Variants in ARID1B observed in about 807,000 individuals in gnomAD.
ARID1B encodes AT-rich interactive domain-containing protein 1B.
Under a neutral mutation model 212.3 loss-of-function variants are expected in ARID1B, and 30 were observed. The ratio of observed to expected loss-of-function variants is 0.14; its 90% CI spans 0.11 to 0.19. The LOEUF is 0.19. ARID1B is among the 10% of genes least tolerant of loss of function. ARID1B has a pLI of 1.00. For synonymous variants in ARID1B, 1,402 were observed against 1,301.7 expected (o/e 1.08, Z -1.66); for missense variants, 2,891 against 3,204.0 (o/e 0.90, Z 2.36).
intron 2 of ARID1B, among the ~76,000 whole-genome samples, chr6:156,861,023 G>A (rs1785294325): frequency 6.6e-6 from 1 of 152,154 alleles, no homozygotes; most frequent in Non-Finnish European, 1.5e-5. Flanking sequence ...GCAGAGCCAC[G>A]TAGTAGGTCT....
Position 157,209,064 on chromosome 6 carries a change from A to T in ARID1B, c.*1173A>T, listed in dbSNP as rs1794654057. The T allele has an allele frequency of 4.3e-6, 1 of 230,672 alleles. No individual in the cohort carries two copies. The highest frequency in any genetic ancestry group is 5.7e-5 in the Admixed American group (1 of 17,698). The allele number at this position is 230,672 out of a possible 1,614,324, so 14.3% of individuals were successfully genotyped here. ...TGAAAAAAATACAACTAAAAGGAAG[A>T]AACACAACTTCAAAGATTTTTCAGT... On this transcript the variant is annotated 3_prime_UTR_variant, in exon 20 of 20. Transcript: ENST00000636930.
At position 157,210,111 on chromosome 6, in the gene ARID1B, GCAAA is replaced by G. The variant is rs1284897910; in HGVS notation, c.*2223_*2226del. The G allele has an allele frequency of 1.3e-5, 3 of 232,416 alleles. No homozygotes were observed. The highest frequency in any genetic ancestry group is 1.7e-5 in the Non-Finnish European group (2 of 117,654). 14.4% of individuals were successfully genotyped at this position (232,416 alleles called of 1,614,324 possible). On this transcript the variant is annotated 3_prime_UTR_variant, in exon 20 of 20. Coordinates refer to ENST00000636930, the MANE Select transcript of ARID1B (RefSeq NM_001374828.1). ...CACGAGGAAAAAAATCATCTTTTCTGCAAACAGTCTCTCATCTGTCAACTCCCAC... is the reference window on the plus strand; with the variant it reads ...CACGAGGAAAAAAATCATCTTTTCTGCAGTCTCTCATCTGTCAACTCCCAC...
In ARID1B at chr6:156,783,622, A is replaced by G. The variant is rs185500411; in HGVS notation, c.1791+4151A>G. On this transcript the variant is annotated intron_variant, in intron 1 of 19. Transcript: ENST00000636930. ...CCAATATCACAGGCAAACCGAAAAG[A>G]TGATCATTTCATTTATTTAACCCTA... is the stretch of plus-strand genomic sequence containing the variant. Among the ~76,000 whole-genome samples the G allele has an allele frequency of 5.3e-5, 8 of 152,338 alleles. No individual in the cohort carries two copies. In the East Asian group the frequency reaches 1.3e-3, roughly 26 times the overall value.
intron 5 of ARID1B, among the ~76,000 whole-genome samples, chr6:157,087,571 A>T (rs1785033815): frequency 6.6e-6 from 1 of 152,184 alleles, no homozygotes; most frequent in Admixed American, 6.5e-5. Flanking sequence ...ACCATTATGG[A>T]TATTATTCAA....
chr6:157,198,574 C>T (rs1793895341), intron 16 of ARID1B: 2 of 518,732 alleles, frequency 3.9e-6, no homozygotes, highest in East Asian at 3.0e-5. Flanking sequence ...TCCTCTGACA[C>T]CTATTAGCCA....
chr6:157,096,530 G>T (rs1224441289), intron 5 of ARID1B, among the ~76,000 whole-genome samples: 4 of 152,242 alleles, frequency 2.6e-5, no homozygotes, highest in African/African-American at 9.6e-5. Context: ...TCTGAAAGAA[G>T]TAATGGAGAG....
chr6:156,957,041 T>C (rs1203150972), intron 4 of ARID1B, among the ~76,000 whole-genome samples: 2 of 152,234 alleles, frequency 1.3e-5, no homozygotes, highest in African/African-American at 4.8e-5. Flanking sequence ...TTGTAATGTA[T>C]TCTGAGCTGG....
At chr6:156,925,516 A>AT (rs929567138) in intron 3 of ARID1B, among the ~76,000 whole-genome samples, 40 of 152,304 alleles carry the variant, frequency 2.6e-4, no homozygotes, top group African/African-American at 8.4e-4. Flanking sequence ...TCTAAAAAAA[A>AT]GAAAATTATA....
chr6:156,982,461 A>G (rs1777665717), intron 4 of ARID1B, among the ~76,000 whole-genome samples: 1 of 144,800 alleles, frequency 6.9e-6, no homozygotes, highest in Admixed American at 7.0e-5. Context: ...TGTGCTGGGC[A>G]CTAAGTATGT....
intron 8 of ARID1B, 45 bp from the exon 9 acceptor site, chr6:157,166,995 A>T (rs371183482): frequency 1.3e-6 from 2 of 1,596,936 alleles, no homozygotes; most frequent in Non-Finnish European, 1.7e-6. Flanking sequence ...ACCACTGCTA[A>T]TGTGCATGGT....
intron 15 of ARID1B, 192 bp from the exon 16 acceptor site, chr6:157,195,973 A>G (rs1210690055): frequency 5.4e-6 from 3 of 551,482 alleles, no homozygotes; most frequent in East Asian, 7.6e-5. Context: ...ACGCAGGAGA[A>G]TCGCCTGAAC....
intron 8 of ARID1B, among the ~76,000 whole-genome samples, chr6:157,152,627 A>T (rs528346730): frequency 1.3e-5 from 2 of 152,314 alleles, no homozygotes; most frequent in East Asian, 3.9e-4. Context: ...TTTTAAAAGC[A>T]GAAGCTTGAA....
intron 4 of ARID1B, among the ~76,000 whole-genome samples, chr6:157,021,728 C>T (rs1470306383): frequency 6.6e-6 from 1 of 151,996 alleles, no homozygotes; most frequent in Non-Finnish European, 1.5e-5. Flanking sequence ...CCGTCCGCCC[C>T]GCGCGCCCGC....
At chr6:157,146,689 G>A (rs915875294) in intron 7 of ARID1B, among the ~76,000 whole-genome samples, 11 of 152,104 alleles carry the variant, frequency 7.2e-5, no homozygotes, top group Admixed American at 4.6e-4. Flanking sequence ...TGAGCTTCTC[G>A]AGTGCAAGAA....
rs2128398696 is a variant in ARID1B at position 157,207,607 on chromosome 6, A to C, written c.6835A>C (p.Ile2279Leu). 6.2e-7 allele frequency: 1 copy of C among 1,614,216 alleles called. No homozygotes were observed. Among genetic ancestry groups the C allele is most frequent in the African/African-American group, 1.3e-5 (1 of 75,048 alleles). ...ARAIAVQKGS[I>L]GNLISFLEDG... ...GGCCATAGCTGTGCAGAAAGGAAGC[A>C]TTGGAAACTTGATAAGCTTCCTAGA... is the stretch of plus-strand genomic sequence containing the variant. Residue 2279 changes from isoleucine to leucine, a missense_variant, in exon 20 of 20, where the codon ATT becomes CTT. Physicochemically the swap from Ile to Leu is conservative, Grantham distance 5. This residue lies in a region of ARID1B where 187 missense variants were observed against 306.5 expected (regional missense o/e 0.61). Transcript: ENST00000636930. This position sits in a 1 kb window ranked among gnomAD's most constrained non-coding sequence, Gnocchi z 8.5.
intron 6 of ARID1B, among the ~76,000 whole-genome samples, chr6:157,116,917 G>A (rs1031119656): frequency 2.6e-5 from 4 of 152,084 alleles, no homozygotes; most frequent in African/African-American, 9.7e-5. Context: ...AGGTGAGCTG[G>A]GCGAGTTGTG....
intron 4 of ARID1B, among the ~76,000 whole-genome samples, chr6:157,066,175 A>G (rs918263494): frequency 6.6e-6 from 1 of 152,236 alleles, no homozygotes; most frequent in South Asian, 2.1e-4. Context: ...AAACTTATTC[A>G]AGGAGTTTCT....
chr6:156,790,605 A>T (rs925147066), intron 1 of ARID1B, among the ~76,000 whole-genome samples: 7 of 152,156 alleles, frequency 4.6e-5, no homozygotes, highest in African/African-American at 1.7e-4. Context: ...CTGTTGGAAA[A>T]TTTTAAAAAT....
At chr6:157,166,640 T>C (rs1414141131) in intron 8 of ARID1B, 1 of 154,998 alleles carries the variant, frequency 6.5e-6, no homozygotes, top group Non-Finnish European at 1.4e-5. Context: ...CCCATTTGTT[T>C]TTCATTTCTT....
Sources: allele counts gnomAD v4.1 joint callset (sites outside exome capture counted in the v4.1 genomes callset), GRCh38; gene constraint gnomAD v4.1.1; regional missense constraint gnomAD v4.1.1; non-coding constraint Gnocchi (gnomAD v3.1); transcripts MANE v1.5; gene names NCBI Gene and HGNC (gene_info 2026-07-23, HGNC 2026-07-21).